HPSE2: variants seen among roughly 807,000 people sequenced by gnomAD.
HPSE2 encodes the protein inactive heparanase-2.
A neutral mutation model predicts 60.5 loss-of-function variants in HPSE2; 38 were observed. The observed-to-expected ratio is 0.63, with a 90% CI of 0.48 to 0.82. The LOEUF is 0.82. Among genes scored for constraint, HPSE2 ranks in the 40% least tolerant of loss-of-function variants. The pLI, the probability that HPSE2 is intolerant of heterozygous loss-of-function variation, is 0.00. For synonymous variants in HPSE2, 295 were observed against 293.2 expected (o/e 1.01, Z -0.06); for missense variants, 713 against 740.4 (o/e 0.96, Z 0.43).
intron 3 of HPSE2, among the ~76,000 whole-genome samples, chr10:99,122,299 A>G (rs1029748475): frequency 1.3e-5 from 2 of 152,068 alleles, no homozygotes; most frequent in Non-Finnish European, 1.5e-5. Flanking sequence ...CATTTAAATC[A>G]TGTGAAAAGC....
At chr10:99,240,429 G>A (rs78781614), upstream of HPSE2, among the ~76,000 whole-genome samples, 3 of 110,060 alleles carry the variant, frequency 2.7e-5, no homozygotes, top group South Asian at 2.8e-4. Flanking sequence ...TTTTTTTTTC[G>A]AGACAGAGTC....
intron 3 of HPSE2, among the ~76,000 whole-genome samples, chr10:98,900,830 A>G (rs1054202769): frequency 1.3e-5 from 2 of 152,188 alleles, no homozygotes; most frequent in Non-Finnish European, 2.9e-5. Flanking sequence ...TTACCATACA[A>G]CCCATGAATT....
intron 11 of HPSE2, among the ~76,000 whole-genome samples, chr10:98,466,738 C>T (rs1211196527): frequency 6.6e-6 from 1 of 152,172 alleles, no homozygotes; most frequent in Non-Finnish European, 1.5e-5. Context: ...CCTAAGATCC[C>T]TTCTGGCTTA....
At chr10:98,698,548 A>G (rs1180561631) in intron 5 of HPSE2, among the ~76,000 whole-genome samples, 1 of 152,192 alleles carries the variant, frequency 6.6e-6, no homozygotes, top group African/African-American at 2.4e-5. Flanking sequence ...GGAAAGATCC[A>G]AAATTGACAC....
intron 3 of HPSE2, among the ~76,000 whole-genome samples, chr10:98,899,393 A>G (rs916706241): frequency 3.9e-5 from 6 of 152,214 alleles, no homozygotes; most frequent in African/African-American, 1.4e-4. Flanking sequence ...CAAAGGGAGA[A>G]AAATATTTAC....
At chr10:99,070,889 T>G (rs953617377) in intron 3 of HPSE2, among the ~76,000 whole-genome samples, 2 of 152,152 alleles carry the variant, frequency 1.3e-5, no homozygotes, top group African/African-American at 4.8e-5. Flanking sequence ...TTACTACATA[T>G]TCTTTGTCCA....
chr10:99,262,124 T>C, the HPSE2 span, among the ~76,000 whole-genome samples: 1 of 152,168 alleles, frequency 6.6e-6, no homozygotes, highest in Non-Finnish European at 1.5e-5. Flanking sequence ...TGGATAACTC[T>C]TATAGTGGAG....
At chr10:99,185,401 AT>A (rs1847965974) in intron 2 of HPSE2, among the ~76,000 whole-genome samples, 1 of 152,174 alleles carries the variant, frequency 6.6e-6, no homozygotes. Flanking sequence ...CAATACCATA[AT>A]CATCATAACC....
At chr10:98,797,020 G>A (rs559468857) in intron 3 of HPSE2, among the ~76,000 whole-genome samples, 27 of 152,236 alleles carry the variant, frequency 1.8e-4, no homozygotes, top group Non-Finnish European at 3.4e-4. Context: ...AGAAGGACAG[G>A]CGCAAATAAG....
At chr10:98,916,921 CATTT>C (rs1475145595) in intron 3 of HPSE2, among the ~76,000 whole-genome samples, 2 of 152,128 alleles carry the variant, frequency 1.3e-5, no homozygotes, top group Admixed American at 6.6e-5. Flanking sequence ...TCTTCAGAAC[CATTT>C]GTTTACCATG....
intron 3 of HPSE2, among the ~76,000 whole-genome samples, chr10:98,757,517 T>C (rs1454985011): frequency 1.3e-5 from 2 of 152,026 alleles, no homozygotes; most frequent in South Asian, 4.1e-4. Context: ...CAAAAATCAG[T>C]AGGATTTCTA....
At chr10:99,261,561 G>A in the HPSE2 span, among the ~76,000 whole-genome samples, 1 of 152,080 alleles carries the variant, frequency 6.6e-6, no homozygotes, top group Non-Finnish European at 1.5e-5. Context: ...ACAACCCTTA[G>A]ACACTTTACT....
chr10:99,234,282 T>C (rs1024894662), intron 1 of HPSE2, among the ~76,000 whole-genome samples: 4 of 152,122 alleles, frequency 2.6e-5, no homozygotes, highest in African/African-American at 9.7e-5. Flanking sequence ...GCGCTCCACG[T>C]GGCGCCTCCC....
rs375324085 is a variant in HPSE2 at position 98,690,487 on chromosome 10, C to T, written c.1004+3413G>A. Among the ~76,000 whole-genome samples, 10 of 152,228 alleles carry T rather than the reference C, an allele frequency of 6.6e-5. No individual in the cohort carries two copies. In the South Asian group the frequency reaches 8.3e-4, roughly 13 times the overall value. On this transcript the variant is annotated intron_variant, in intron 6 of 11. Coordinates refer to ENST00000370552, the MANE Select transcript of HPSE2 (RefSeq NM_021828.5). ...ACTGGGAGGTGGAGCTTGCAGTGAG[C>T]CAAGATCGTGCCATTGCACTCCAGC...
chr10:98,777,983 G>T (rs181041687), intron 3 of HPSE2, among the ~76,000 whole-genome samples: 1 of 151,998 alleles, frequency 6.6e-6, no homozygotes, highest in African/African-American at 2.4e-5. Context: ...ATACATACAG[G>T]GAGTCAGGAC....
chr10:99,250,230 C>A, the HPSE2 span, among the ~76,000 whole-genome samples: 1 of 151,932 alleles, frequency 6.6e-6, no homozygotes. Flanking sequence ...GCTTCCCCTT[C>A]TGCCATAATT....
intron 3 of HPSE2, among the ~76,000 whole-genome samples, chr10:99,139,232 T>A (rs1454086663): frequency 6.6e-6 from 1 of 152,062 alleles, no homozygotes; most frequent in Non-Finnish European, 1.5e-5. Flanking sequence ...AGAGCTAAGC[T>A]ATGGGTTTGC....
At chr10:99,050,217 A>G (rs983401039) in intron 3 of HPSE2, among the ~76,000 whole-genome samples, 2 of 152,022 alleles carry the variant, frequency 1.3e-5, no homozygotes, top group Non-Finnish European at 2.9e-5. Flanking sequence ...TGAGAGGATC[A>G]CCTGAGCCCA....
intron 1 of HPSE2, among the ~76,000 whole-genome samples, chr10:99,234,114 G>A (rs1268177172): frequency 6.6e-6 from 1 of 152,222 alleles, no homozygotes; most frequent in Non-Finnish European, 1.5e-5. Flanking sequence ...TCATAGACGC[G>A]CTCTGCTGCA....
Sources: allele counts gnomAD v4.1 joint callset (sites outside exome capture counted in the v4.1 genomes callset), GRCh38; gene constraint gnomAD v4.1.1; transcripts MANE v1.5; gene names NCBI Gene and HGNC (gene_info 2026-07-23, HGNC 2026-07-21).